ESRRB: variants seen among roughly 807,000 people sequenced by gnomAD.
ESRRB encodes the protein steroid hormone receptor ERR2.
A neutral mutation model predicts 46.0 loss-of-function variants in ESRRB; 16 were observed. The observed-to-expected ratio is 0.35, with a 90% CI of 0.24 to 0.53. The LOEUF is 0.53. Ranked by LOEUF, ESRRB falls within the 20% of genes least tolerant of loss-of-function variation. The probability of loss-of-function intolerance (pLI) is 0.93; values close to 1 mark genes in which losing one functional copy is unlikely to be tolerated. For missense variants in ESRRB, 488 were observed against 607.4 expected (o/e 0.80, Z 2.07); for synonymous variants, 246 against 259.6 (o/e 0.95, Z 0.50).
intron 1 of ESRRB, among the ~76,000 whole-genome samples, chr14:76,332,798 A>ATT (rs1566853430): frequency 1.3e-3 from 12 of 9,326 alleles, no homozygotes; most frequent in Admixed American, 9.3e-3. Context: ...ATAAATATAT[A>ATT]ATATATTTAT....
intron 2 of ESRRB, among the ~76,000 whole-genome samples, chr14:76,461,127 T>A (rs1473640139): frequency 6.6e-6 from 1 of 152,164 alleles, no homozygotes; most frequent in Non-Finnish European, 1.5e-5. Flanking sequence ...GTCAGATGCC[T>A]GTATTAGAAA....
At chr14:76,405,717 G>A (rs1886158409) in intron 1 of ESRRB, among the ~76,000 whole-genome samples, 1 of 151,778 alleles carries the variant, frequency 6.6e-6, no homozygotes, top group Admixed American at 6.6e-5. Context: ...TCGCGCCACT[G>A]CACTCCAGCC....
intron 2 of ESRRB, among the ~76,000 whole-genome samples, chr14:76,450,144 G>GT (rs1269311110): frequency 9.3e-6 from 1 of 108,066 alleles, no homozygotes. Flanking sequence ...ACTGAGAAAG[G>GT]GGGGGGGTCT....
intron 1 of ESRRB, among the ~76,000 whole-genome samples, chr14:76,423,745 C>G (rs1887076431): frequency 6.6e-6 from 1 of 152,218 alleles, no homozygotes; most frequent in Admixed American, 6.5e-5. Context: ...TACTGTGTGT[C>G]TATTCTAGAC....
In ESRRB at chr14:76,358,359, G is replaced by T; in HGVS notation, c.2+47443G>T. 3.9e-5 allele frequency among the ~76,000 whole-genome samples: 2 copies of T among 51,926 alleles called. 1 individual carries two copies. The highest frequency in any genetic ancestry group is 4.4e-4 in the Admixed American group (2 of 4,498). 34.1% of individuals were successfully genotyped at this position (51,926 alleles called of 152,430 possible). A position where few individuals can be genotyped will look rare whatever the true frequency, so the allele number is the denominator to read the frequency against. ...AGAAAGAAAGAAAGAAAGAAAGAAA[G>T]AAAGAAAGAAAGAAAGAAAGAAAGA... On this transcript the variant is annotated intron_variant, in intron 1 of 6. Coordinates refer to the ESRRB transcript ENST00000512784.
chr14:76,437,980 G>A (rs1421779829), intron 1 of ESRRB, among the ~76,000 whole-genome samples: 2 of 152,110 alleles, frequency 1.3e-5, no homozygotes, highest in Non-Finnish European at 2.9e-5. Context: ...GTGGGTGGGT[G>A]GGGAGGCTCA....
At chr14:76,382,950 A>C (rs939392586) in intron 1 of ESRRB, among the ~76,000 whole-genome samples, 2 of 152,212 alleles carry the variant, frequency 1.3e-5, no homozygotes, top group African/African-American at 4.8e-5. Context: ...GTTTTCTGGA[A>C]AATTTTATTA....
chr14:76,476,194 AT>A (rs1171365561), intron 3 of ESRRB, among the ~76,000 whole-genome samples: 2 of 151,934 alleles, frequency 1.3e-5, no homozygotes, highest in East Asian at 1.9e-4. Flanking sequence ...GGGATTATCA[AT>A]TTTTTTCTAT....
At position 76,500,009 on chromosome 14, in the gene ESRRB, C is replaced by G; in HGVS notation, c.*1551C>G. ...CCAATCCACGCCCTTCTAGTCCAAC[C>G]CCCCTCAATGAGAGAGGCAGGCAGA... is the stretch of plus-strand genomic sequence containing the variant. On this transcript the variant is annotated 3_prime_UTR_variant, in exon 7 of 7. Transcript: ENST00000644823. 1.3e-6 allele frequency: 2 copies of G among 1,568,538 alleles called. No homozygotes were observed. Among genetic ancestry groups the G allele is most frequent in the South Asian group, 1.2e-5 (1 of 85,440 alleles).
chr14:76,385,736 T>C (rs1221121612), intron 1 of ESRRB, among the ~76,000 whole-genome samples: 2 of 152,222 alleles, frequency 1.3e-5, no homozygotes, highest in Admixed American at 6.5e-5. Context: ...TATAACCAAA[T>C]AGCAACTGAC....
chr14:76,452,222 G>A (rs1178090033), intron 2 of ESRRB, among the ~76,000 whole-genome samples: 2 of 152,114 alleles, frequency 1.3e-5, no homozygotes, highest in Non-Finnish European at 2.9e-5. Context: ...TTACAGGTGT[G>A]AGCCATTACA....
intron 1 of ESRRB, chr14:76,404,475 T>C (rs10132091): frequency 0.44 from 67,178 of 151,990 alleles, 15,447 homozygotes; most frequent in East Asian, 0.82. Flanking sequence ...TAATAAATAT[T>C]GTGAATGAAT....
At chr14:76,371,015 C>T (rs889884833), upstream of ESRRB, among the ~76,000 whole-genome samples, 8 of 152,148 alleles carry the variant, frequency 5.3e-5, no homozygotes, top group Middle Eastern at 3.2e-3. Flanking sequence ...AAATGGATGA[C>T]GCCAGTGGTG....
intron 1 of ESRRB, among the ~76,000 whole-genome samples, chr14:76,354,706 C>CTTT (rs59146659): frequency 6.8e-4 from 76 of 111,430 alleles, no homozygotes; most frequent in African/African-American, 1.4e-3. Context: ...AGGTCCTGGG[C>CTTT]TTTTTTTTTT....
chr14:76,424,430 G>C (rs1357650806), intron 1 of ESRRB, among the ~76,000 whole-genome samples: 1 of 152,178 alleles, frequency 6.6e-6, no homozygotes, highest in Non-Finnish European at 1.5e-5. Flanking sequence ...ATCCTGTCCT[G>C]GTGTGCACAA....
intron 3 of ESRRB, among the ~76,000 whole-genome samples, chr14:76,480,656 G>A (rs187248538): frequency 2.6e-5 from 4 of 152,072 alleles, no homozygotes; most frequent in Non-Finnish European, 4.4e-5. Context: ...GCCTGAATCC[G>A]GGGGACTGGC....
intron 1 of ESRRB, among the ~76,000 whole-genome samples, chr14:76,358,371 G>GA (rs1595053972): frequency 5.6e-5 from 4 of 71,138 alleles, no homozygotes; most frequent in African/African-American, 2.1e-4. Context: ...AAGAAAGAAA[G>GA]AAAGAAAGAA....
At position 76,346,343 on chromosome 14, in the gene ESRRB, C is replaced by T. The variant is rs572410603; in HGVS notation, c.2+35427C>T. Among the ~76,000 whole-genome samples the T allele has an allele frequency of 8.5e-5, 13 of 152,286 alleles. No homozygotes were observed. In the South Asian group the frequency reaches 1.7e-3, roughly 19 times the overall value. On this transcript the variant is annotated intron_variant, in intron 1 of 6. Transcript: ENST00000512784. Reference sequence around the variant, plus strand: ...AAGTGGGAATGCTAACCCCTCTGATCGGCTGAGACGCCTACAGCCCAGCCT... The same window carrying T: ...AAGTGGGAATGCTAACCCCTCTGATTGGCTGAGACGCCTACAGCCCAGCCT...
intron 2 of ESRRB, among the ~76,000 whole-genome samples, chr14:76,457,481 C>T (rs1888664259): frequency 6.8e-6 from 1 of 147,830 alleles, no homozygotes. Context: ...CATCAGTTAT[C>T]GTTAGTATAT....
Sources: allele counts gnomAD v4.1 joint callset (sites outside exome capture counted in the v4.1 genomes callset), GRCh38; gene constraint gnomAD v4.1.1; transcripts MANE v1.5; gene names NCBI Gene and HGNC (gene_info 2026-07-23, HGNC 2026-07-21).